THEMIS: variants seen among roughly 807,000 people sequenced by gnomAD.
THEMIS encodes protein THEMIS.
In THEMIS, 37 loss-of-function variants were observed where a neutral mutation model predicts 52.6. The observed-to-expected ratio is 0.70, with a 90% CI of 0.54 to 0.93. THEMIS has a LOEUF of 0.93. Ranked by LOEUF, THEMIS falls within the 40% of genes least tolerant of loss-of-function variation. The pLI is 0.00. For missense variants in THEMIS, 808 were observed against 763.1 expected (o/e 1.06, Z -0.69); for synonymous variants, 292 against 272.7 (o/e 1.07, Z -0.70).
At chr6:127,834,444 C>CGTG (rs1778808203) in intron 2 of THEMIS, among the ~76,000 whole-genome samples, 1 of 145,270 alleles carries the variant, frequency 6.9e-6, no homozygotes, top group Non-Finnish European at 1.5e-5. Flanking sequence ...AAAAGCTGGG[C>CGTG]GTGGTGGTGC....
chr6:127,797,064 T>C (rs1308009757), intron 4 of THEMIS, among the ~76,000 whole-genome samples: 4 of 152,222 alleles, frequency 2.6e-5, no homozygotes, highest in Admixed American at 2.6e-4. Context: ...ACTTGAGTTT[T>C]TTAAGTCTAC....
At chr6:127,894,522 A>C (rs980899597) in intron 1 of THEMIS, among the ~76,000 whole-genome samples, 1 of 152,012 alleles carries the variant, frequency 6.6e-6, no homozygotes, top group African/African-American at 2.4e-5. Flanking sequence ...CTTAGAAAAA[A>C]ATAATAGTTT....
At chr6:127,718,192 T>C (rs936993924) in intron 5 of THEMIS, among the ~76,000 whole-genome samples, 1 of 151,930 alleles carries the variant, frequency 6.6e-6, no homozygotes, top group Non-Finnish European at 1.5e-5. Context: ...AATTATTGCA[T>C]TTACAAATGG....
At chr6:127,816,636 T>G (rs1346813075) in intron 3 of THEMIS, among the ~76,000 whole-genome samples, 1 of 152,200 alleles carries the variant, frequency 6.6e-6, no homozygotes, top group Non-Finnish European at 1.5e-5. Flanking sequence ...TTGCCTGGAT[T>G]GTTGCAGTGG....
In THEMIS at chr6:127,883,802, G is replaced by C. The variant is rs141458395; in HGVS notation, c.91+17040C>G. Among the ~76,000 whole-genome samples the C allele has an allele frequency of 5.9e-5, 9 of 152,160 alleles. No individual in the cohort carries two copies. The East Asian group carries it at 1.7e-3, about 29-fold the overall frequency. ...GAGGGTTCTGAGCACATTTAAGGTA[G>C]GCTAGGCTACGTTATAATGTTTAGT... On this transcript the variant is annotated intron_variant, in intron 1 of 5. Coordinates refer to ENST00000368248, the MANE Select transcript of THEMIS (RefSeq NM_001010923.3).
intron 4 of THEMIS, among the ~76,000 whole-genome samples, chr6:127,755,658 A>G (rs973297062): frequency 2.6e-5 from 4 of 152,232 alleles, no homozygotes; most frequent in African/African-American, 4.8e-5. Flanking sequence ...AGCACAGAAG[A>G]GGATCCATGT....
In THEMIS at chr6:127,910,836, C is replaced by G. The variant is rs185640834; in HGVS notation, c.-150+7592G>C. ...TTCACTAAAATTTTATTAGATTTTG[C>G]TAACGTCATTTTTCCTTTTTAGGAT... On this transcript the variant is annotated intron_variant, in intron 1 of 6. Coordinates refer to the THEMIS transcript ENST00000368250. Among the ~76,000 whole-genome samples, 3 of 152,100 alleles carry G rather than the reference C, an allele frequency of 2.0e-5. 1 individual carries two copies. Among genetic ancestry groups the G allele is most frequent in the Middle Eastern group, 6.3e-3 (2 of 316 alleles).
chr6:127,726,250 C>T (rs575200624), intron 4 of THEMIS, among the ~76,000 whole-genome samples: 7 of 152,158 alleles, frequency 4.6e-5, no homozygotes, highest in South Asian at 4.2e-4. Context: ...TTTCTTGGGT[C>T]GGAGGACAGA....
the THEMIS span, among the ~76,000 whole-genome samples, chr6:127,697,434 C>T: frequency 6.6e-6 from 1 of 152,130 alleles, no homozygotes; most frequent in African/African-American, 2.4e-5. Context: ...TATATTGTAC[C>T]CTCAAGCAAT....
At chr6:127,760,426 G>T (rs1283446596) in intron 4 of THEMIS, among the ~76,000 whole-genome samples, 2 of 151,964 alleles carry the variant, frequency 1.3e-5, no homozygotes, top group African/African-American at 4.8e-5. Flanking sequence ...AACTTCCATT[G>T]AAATTTTGAT....
At chr6:127,912,360 G>A (rs910762403) in intron 1 of THEMIS, among the ~76,000 whole-genome samples, 14 of 152,090 alleles carry the variant, frequency 9.2e-5, no homozygotes, top group African/African-American at 2.9e-4. Context: ...AGATGAGGCC[G>A]AAACTGCTAT....
At chr6:127,876,012 G>A (rs573833669) in intron 1 of THEMIS, among the ~76,000 whole-genome samples, 1 of 152,266 alleles carries the variant, frequency 6.6e-6, no homozygotes, top group African/African-American at 2.4e-5. Context: ...TGTGTTAACC[G>A]ATTATCTGAC....
At chr6:127,864,256 A>AT (rs534390810) in intron 1 of THEMIS, among the ~76,000 whole-genome samples, 27 of 151,232 alleles carry the variant, frequency 1.8e-4, no homozygotes, top group South Asian at 1.0e-3. Context: ...AAAAATTGGG[A>AT]TTTTTTTTTA....
intron 4 of THEMIS, among the ~76,000 whole-genome samples, chr6:127,721,347 T>G (rs777064231): frequency 5.3e-5 from 8 of 152,062 alleles, no homozygotes; most frequent in Non-Finnish European, 7.4e-5. Flanking sequence ...GACGGATAAC[T>G]GGTACATTCA....
intron 4 of THEMIS, among the ~76,000 whole-genome samples, chr6:127,772,776 T>C (rs1378178985): frequency 1.3e-5 from 2 of 152,178 alleles, no homozygotes; most frequent in Non-Finnish European, 2.9e-5. Context: ...ATGATGTTTA[T>C]ACTCCCAGAA....
intron 1 of THEMIS, among the ~76,000 whole-genome samples, chr6:127,877,942 G>T (rs987660759): frequency 1.3e-5 from 2 of 152,176 alleles, no homozygotes; most frequent in African/African-American, 4.8e-5. Flanking sequence ...CACAGGGAAA[G>T]GATCAGGAAA....
At chr6:127,893,000 T>C (rs928456429) in intron 1 of THEMIS, among the ~76,000 whole-genome samples, 4 of 152,178 alleles carry the variant, frequency 2.6e-5, no homozygotes, top group Admixed American at 6.5e-5. Flanking sequence ...TTCAGGATAT[T>C]TATAGTCTGT....
chr6:127,765,181 A>G (rs1012337655), intron 4 of THEMIS, among the ~76,000 whole-genome samples: 2 of 152,048 alleles, frequency 1.3e-5, no homozygotes, highest in Non-Finnish European at 2.9e-5. Flanking sequence ...CAAAGCCAAA[A>G]TCGTATATAA....
chr6:127,754,799 G>A (rs1002804045), intron 4 of THEMIS, among the ~76,000 whole-genome samples: 2 of 152,006 alleles, frequency 1.3e-5, no homozygotes, highest in East Asian at 3.9e-4. Flanking sequence ...GACAGCAGTG[G>A]AGACAATAAA....
Sources: gnomAD v4.1 joint callset for allele counts (sites outside exome capture counted in the v4.1 genomes callset) on GRCh38, gnomAD v4.1.1 for gene constraint, MANE v1.5 for transcripts, NCBI Gene and HGNC (gene_info 2026-07-23, HGNC 2026-07-21) for gene names.